HPCAL1: variants seen among roughly 807,000 people sequenced by gnomAD.
The protein encoded by HPCAL1 is hippocalcin-like protein 1.
HPCAL1 carries 8 observed loss-of-function variants against 17.1 expected under a neutral mutation model. That is an observed-to-expected ratio of 0.47 (90% CI 0.27 to 0.84). The LOEUF (loss-of-function observed/expected upper bound fraction) is 0.84. Among genes scored for constraint, HPCAL1 ranks in the 40% least tolerant of loss-of-function variants. The pLI, the probability that HPCAL1 is intolerant of heterozygous loss-of-function variation, is 0.13. For synonymous variants in HPCAL1, 112 were observed against 111.4 expected (o/e 1.01, Z -0.03); for missense variants, 165 against 271.1 (o/e 0.61, Z 2.75).
intron 1 of HPCAL1, among the ~76,000 whole-genome samples, chr2:10,338,757 G>T (rs529001688): frequency 1.3e-5 from 2 of 152,322 alleles, no homozygotes; most frequent in East Asian, 3.9e-4. Flanking sequence ...GAGCTTTGAG[G>T]CGTATCCACA....
intron 2 of HPCAL1, among the ~76,000 whole-genome samples, chr2:10,403,735 A>C (rs1669791462): frequency 6.6e-6 from 1 of 150,998 alleles, no homozygotes; most frequent in Non-Finnish European, 1.5e-5. Context: ...CGCCCACCTC[A>C]CCCTCCCAAA....
At chr2:10,414,683 T>C (rs1281975863) in intron 2 of HPCAL1, among the ~76,000 whole-genome samples, 1 of 152,180 alleles carries the variant, frequency 6.6e-6, no homozygotes, top group African/African-American at 2.4e-5. Flanking sequence ...TAGCAGCAGC[T>C]GTCTCATTCT....
At chr2:10,306,345 G>A (rs1048254599) in intron 1 of HPCAL1, among the ~76,000 whole-genome samples, 1 of 152,078 alleles carries the variant, frequency 6.6e-6, no homozygotes, top group Admixed American at 6.5e-5. Context: ...GGGGGTGGGG[G>A]AGGCATGTTT....
At position 10,359,901 on chromosome 2, in the gene HPCAL1, G is replaced by A. The variant is rs1015858714; in HGVS notation, c.-110-36934G>A. Among the ~76,000 whole-genome samples the A allele has an allele frequency of 4.7e-5, 7 of 149,252 alleles. No individual in the cohort carries two copies. Among genetic ancestry groups the A allele is most frequent in the East Asian group, 3.9e-4 (2 of 5,108 alleles). On this transcript the variant is annotated intron_variant, in intron 1 of 4. Transcript: ENST00000307845. The surrounding 1 kb of genome is among the most constrained non-coding windows in gnomAD (Gnocchi z 4.1). ...CCTCCTGCCTCCTTCCACAGTGCCC[G>A]CCGGGTCCACAGCGCCCGCCGGGTC...
intron 1 of HPCAL1, among the ~76,000 whole-genome samples, chr2:10,371,014 C>T (rs935698667): frequency 1.3e-5 from 2 of 152,056 alleles, no homozygotes; most frequent in Non-Finnish European, 2.9e-5. Flanking sequence ...CGGCATGGAG[C>T]CAGCAAACAG....
At chr2:10,307,897 C>T (rs1662724681) in intron 1 of HPCAL1, among the ~76,000 whole-genome samples, 1 of 152,240 alleles carries the variant, frequency 6.6e-6, no homozygotes, top group South Asian at 2.1e-4. Flanking sequence ...CCCAACCCCA[C>T]CAAACCTTGG....
chr2:10,421,480 C>T (rs1025629017), intron 3 of HPCAL1, among the ~76,000 whole-genome samples: 2 of 152,144 alleles, frequency 1.3e-5, no homozygotes, highest in Admixed American at 6.6e-5. Flanking sequence ...GCTGGAGGAT[C>T]GCGTGAGCCC....
intron 1 of HPCAL1, among the ~76,000 whole-genome samples, chr2:10,388,288 C>T (rs1668457103): frequency 6.6e-6 from 1 of 152,206 alleles, no homozygotes; most frequent in African/African-American, 2.4e-5. Context: ...TTATCTTCCT[C>T]CTTCCAGAAC....
intron 1 of HPCAL1, among the ~76,000 whole-genome samples, chr2:10,338,310 C>T (rs1303750661): frequency 6.6e-6 from 1 of 151,972 alleles, no homozygotes; most frequent in Non-Finnish European, 1.5e-5. Flanking sequence ...TGAATCGTAC[C>T]CCTTAAAAAC....
In HPCAL1 at chr2:10,342,867, G is replaced by A. The variant is rs1004282025; in HGVS notation, c.-111+39690G>A. Among the ~76,000 whole-genome samples, 17 of 152,350 alleles carry A rather than the reference G, an allele frequency of 1.1e-4. No individual in the cohort carries two copies. The highest frequency in any genetic ancestry group is 4.1e-4 in the African/African-American group (17 of 41,590). ...TGGCTGAAGACCAAGGCTATGGCCT[G>A]TGGGTGGCAGTTGGTACCTCTCCCC... is the stretch of plus-strand genomic sequence containing the variant. On this transcript the variant is annotated intron_variant, in intron 1 of 4. Coordinates refer to ENST00000307845, the MANE Select transcript of HPCAL1 (RefSeq NM_002149.4). This position sits in a 1 kb window ranked among gnomAD's most constrained non-coding sequence, Gnocchi z 4.1.
In HPCAL1 at chr2:10,419,633, A is replaced by T; in HGVS notation, c.-24-101A>T. Reference sequence around the variant, plus strand: ...GGGGACCCGGGAGTTGCTGAGTCGCAGCGCTTGCACAGCGATGGGCTTATT... The same window carrying T: ...GGGGACCCGGGAGTTGCTGAGTCGCTGCGCTTGCACAGCGATGGGCTTATT... On this transcript the variant is annotated intron_variant, in intron 2 of 4. Coordinates refer to ENST00000307845, the MANE Select transcript of HPCAL1 (RefSeq NM_002149.4). This position sits in a 1 kb window ranked among gnomAD's most constrained non-coding sequence, Gnocchi z 5.0. 1.7e-6 allele frequency: 2 copies of T among 1,170,048 alleles called. No homozygotes were observed. The highest frequency in any genetic ancestry group is 2.3e-6 in the Non-Finnish European group (2 of 852,452). 72.5% of individuals were successfully genotyped at this position (1,170,048 alleles called of 1,614,324 possible).
intron 1 of HPCAL1, among the ~76,000 whole-genome samples, chr2:10,314,605 G>A (rs2125390355): frequency 6.6e-6 from 1 of 152,276 alleles, no homozygotes; most frequent in Non-Finnish European, 1.5e-5. Context: ...AAAAACCACT[G>A]CTAGGGTTGT....
chr2:10,358,014 C>G (rs1427998157), intron 1 of HPCAL1, among the ~76,000 whole-genome samples: 2 of 152,232 alleles, frequency 1.3e-5, no homozygotes, highest in Non-Finnish European at 2.9e-5. Context: ...CTGAAGGGTT[C>G]CTTTCCCGTG....
chr2:10,373,126 G>A (rs186459775), intron 1 of HPCAL1, among the ~76,000 whole-genome samples: 15 of 152,392 alleles, frequency 9.8e-5, no homozygotes, highest in African/African-American at 3.6e-4. Context: ...CGGGGCCGGG[G>A]TTTTCCTGGA....
intron 1 of HPCAL1, among the ~76,000 whole-genome samples, chr2:10,320,247 T>C (rs1311758705): frequency 6.6e-6 from 1 of 152,102 alleles, no homozygotes; most frequent in African/African-American, 2.4e-5. Flanking sequence ...CCCACGGACA[T>C]GGACGGATAT....
Position 10,422,945 on chromosome 2 carries a change from C to T in HPCAL1, c.379-38C>T, listed in dbSNP as rs200885282. The T allele has an allele frequency of 6.8e-5, 100 of 1,474,454 alleles. 1 individual carries two copies. Among genetic ancestry groups the T allele is most frequent in the African/African-American group, 1.2e-4 (9 of 72,256 alleles). 91.3% of individuals were successfully genotyped at this position (1,474,454 alleles called of 1,614,324 possible). A position where few individuals can be genotyped will look rare whatever the true frequency, so the allele number is the denominator to read the frequency against. On this transcript the variant is annotated intron_variant, in intron 3 of 4. Coordinates refer to ENST00000307845, the MANE Select transcript of HPCAL1 (RefSeq NM_002149.4). ...CCCTTGCTGCACCCGCCCAAGCCCC[C>T]GGGCCTCTGAGCACAGTGTCATTGC... is the stretch of plus-strand genomic sequence containing the variant.
intron 2 of HPCAL1, among the ~76,000 whole-genome samples, chr2:10,399,267 A>AT (rs1558517665): frequency 6.9e-6 from 1 of 145,138 alleles, no homozygotes; most frequent in Non-Finnish European, 1.5e-5. Flanking sequence ...CACCATCACC[A>AT]CCACCACCAC....
chr2:10,332,494 G>A (rs1364876473), intron 1 of HPCAL1, among the ~76,000 whole-genome samples: 1 of 152,138 alleles, frequency 6.6e-6, no homozygotes, highest in African/African-American at 2.4e-5. Context: ...GCAAGGCAGG[G>A]TGGGAGGTGG....
intron 2 of HPCAL1, among the ~76,000 whole-genome samples, chr2:10,409,084 G>T (rs907209476): frequency 4.0e-5 from 6 of 151,898 alleles, no homozygotes; most frequent in Non-Finnish European, 7.4e-5. Flanking sequence ...ATTTTATGTT[G>T]TTTTTTTTCA....
Sources: gnomAD v4.1 joint callset for allele counts (sites outside exome capture counted in the v4.1 genomes callset) on GRCh38, gnomAD v4.1.1 for gene constraint, Gnocchi (gnomAD v3.1) non-coding constraint, MANE v1.5 for transcripts, NCBI Gene and HGNC (gene_info 2026-07-23, HGNC 2026-07-21) for gene names.